BIRC6: variants seen among roughly 807,000 people sequenced by gnomAD.
The protein encoded by BIRC6 is baculoviral IAP repeat containing 6.
In BIRC6, 98 loss-of-function variants were observed where a neutral mutation model predicts 503.3. That is an observed-to-expected ratio of 0.19 (90% CI 0.17 to 0.23). The LOEUF is 0.23. Ranked by LOEUF, BIRC6 falls within the 10% of genes least tolerant of loss-of-function variation. The pLI is 1.00. For synonymous variants in BIRC6, 2,240 were observed against 2,078.7 expected (o/e 1.08, Z -2.11); for missense variants, 5,360 against 5,806.0 (o/e 0.92, Z 2.50).
chr2:32,493,601 C>G lies in BIRC6; in HGVS notation c.8402C>G (p.Ser2801Cys). 1.9e-6 allele frequency: 3 copies of G among 1,608,972 alleles called. No individual in the cohort carries two copies. In the South Asian group the frequency reaches 3.3e-5, roughly 18 times the overall value. The change falls in exon 45 of 74, where the codon TCT becomes TGT. Residue 2801 changes from serine (S) to cysteine (C), a missense_variant. Transcript: ENST00000421745. ...EFLTRLQVHL[S>C]STCPQIFSEF... ...CTTACTCGATTACAAGTGCATCTTT[C>G]TTCAACATGTCCTCAGATATTCAGT...
rs972293279 is a variant in BIRC6 at position 32,357,932 on chromosome 2, G to A, written c.325+446G>A. On this transcript the variant is annotated intron_variant, in intron 1 of 73. Coordinates refer to ENST00000421745, the MANE Select transcript of BIRC6 (RefSeq NM_016252.4). This position sits in a 1 kb window ranked among gnomAD's most constrained non-coding sequence, Gnocchi z 4.9. ...CGAGGGGCGGGGAGCGTCTGAGCCG[G>A]CAACCAAGCCCTCCCTTGTGGGAGA... is the stretch of plus-strand genomic sequence containing the variant. Among the ~76,000 whole-genome samples the A allele has an allele frequency of 5.3e-4, 80 of 151,982 alleles. No individual in the cohort carries two copies. The highest frequency in any genetic ancestry group is 1.8e-3 in the African/African-American group (76 of 41,386).
At position 32,463,507 on chromosome 2, in the gene BIRC6, A is replaced by G. The variant is rs1355238819; in HGVS notation, c.4941+126A>G. 3.4e-6 allele frequency: 3 copies of G among 895,108 alleles called. No homozygotes were observed. In the Admixed American group the frequency reaches 1.1e-4, roughly 32 times the overall value. 55.4% of individuals were successfully genotyped at this position (895,108 alleles called of 1,614,324 possible). A position where few individuals can be genotyped will look rare whatever the true frequency, so the allele number is the denominator to read the frequency against. On this transcript the variant is annotated intron_variant, in intron 24 of 73. Coordinates refer to ENST00000421745, the MANE Select transcript of BIRC6 (RefSeq NM_016252.4). ...GACTGATCTGAGCTAATCAGTTTCA[A>G]CAAAAATTGAGGTAAAGTCTTTGTG...
chr2:32,482,940 T>C (rs2050573993), intron 39 of BIRC6, among the ~76,000 whole-genome samples: 1 of 151,162 alleles, frequency 6.6e-6, no homozygotes, highest in Non-Finnish European at 1.5e-5. Flanking sequence ...TTTTTTGAGA[T>C]GGAGTCTTGT....
At chr2:32,536,562 A>C (rs1478411062) in intron 61 of BIRC6, among the ~76,000 whole-genome samples, 1 of 152,186 alleles carries the variant, frequency 6.6e-6, no homozygotes, top group Non-Finnish European at 1.5e-5. Flanking sequence ...TTAAATAGGG[A>C]ATCCTTTCCC....
intron 65 of BIRC6, among the ~76,000 whole-genome samples, chr2:32,569,432 T>C (rs1324759269): frequency 6.6e-6 from 1 of 152,184 alleles, no homozygotes; most frequent in Non-Finnish European, 1.5e-5. Flanking sequence ...ACAGTAGTGC[T>C]ATCAGAGCTC....
chr2:32,368,974 A>T (rs904079421), intron 1 of BIRC6, among the ~76,000 whole-genome samples: 4 of 152,190 alleles, frequency 2.6e-5, no homozygotes, highest in Non-Finnish European at 5.9e-5. Flanking sequence ...CTCTTGATAT[A>T]CTATAGTAAT....
chr2:32,540,609 C>T, intron 61 of BIRC6, among the ~76,000 whole-genome samples: 1 of 151,954 alleles, frequency 6.6e-6, no homozygotes, highest in South Asian at 2.1e-4. Context: ...AAATTAAATC[C>T]ACTTAATATT....
At chr2:32,392,863 A>C (rs1347994585) in intron 5 of BIRC6, among the ~76,000 whole-genome samples, 1 of 151,616 alleles carries the variant, frequency 6.6e-6, no homozygotes, top group Non-Finnish European at 1.5e-5. Context: ...ACTGGTCTCG[A>C]ACTCCTGCTC....
intron 1 of BIRC6, among the ~76,000 whole-genome samples, chr2:32,362,340 G>C (rs113312968): frequency 2.8e-5 from 4 of 144,766 alleles, no homozygotes; most frequent in African/African-American, 1.0e-4. Flanking sequence ...TTTTGAGACA[G>C]AGTCTCGCTC....
At chr2:32,479,401 CTGTAA>C (rs2050130297) in intron 36 of BIRC6, 56 bp from the exon 37 acceptor site, 1 of 1,447,496 alleles carries the variant, frequency 6.9e-7, no homozygotes, top group African/African-American at 1.4e-5. Flanking sequence ...AAAAAATGTG[CTGTAA>C]TACATTTTCG....
intron 4 of BIRC6, among the ~76,000 whole-genome samples, chr2:32,390,295 C>T (rs895642724): frequency 2.6e-5 from 4 of 152,144 alleles, no homozygotes; most frequent in African/African-American, 7.2e-5. Flanking sequence ...CTCAGCCTCC[C>T]GAGTAGCTGT....
chr2:32,414,987 T>A lies in BIRC6; in HGVS notation c.1696T>A (p.Cys566Ser), dbSNP rs770358856. ...GGAGCAACACAACATTCCTTTTCCATGTTTATTAGCTGGAGGTTTATTAAC... is the reference window on the plus strand; with the variant it reads ...GGAGCAACACAACATTCCTTTTCCAAGTTTATTAGCTGGAGGTTTATTAAC... ...HQEQHNIPFP[C>S]LLAGGLLTYK... Residue 566 changes from cysteine (C) to serine (S), a missense_variant, in exon 10 of 74, where the codon TGT becomes AGT. Transcript: ENST00000421745. The A allele has an allele frequency of 1.2e-6, 2 of 1,613,956 alleles. No homozygotes were observed. Among genetic ancestry groups the A allele is most frequent in the East Asian group, 4.5e-5 (2 of 44,876 alleles).
chr2:32,361,230 C>T (rs899097326), intron 1 of BIRC6, among the ~76,000 whole-genome samples: 2 of 152,152 alleles, frequency 1.3e-5, no homozygotes, highest in African/African-American at 4.8e-5. Context: ...CCACCGCGCC[C>T]AGCCCTAATA....
In BIRC6 at chr2:32,617,865, C is replaced by T. The variant is rs747795292; in HGVS notation, c.14535C>T (p.Pro4845=). 1 of 1,613,624 alleles carries T rather than the reference C, an allele frequency of 6.2e-7. No homozygotes were observed. Among genetic ancestry groups the T allele is most frequent in the Non-Finnish European group, 8.5e-7 (1 of 1,179,628 alleles). The change falls in exon 74 of 74, where the codon CCC becomes CCT. Residue 4845 remains proline (P), a synonymous_variant. Transcript: ENST00000421745. ...CTCTAATGCATGATCAGGTTAAACC[C>T]AGCAGCAGCAAAGAACTCCCCAGTG... ...EETLMHDQVK[P]SSSKELPSDF... is the part of the protein sequence containing the mutation.
chr2:32,545,541 C>A, intron 62 of BIRC6, 102 bp from the exon 63 acceptor site: 2 of 956,148 alleles, frequency 2.1e-6, no homozygotes, highest in South Asian at 2.8e-5. Flanking sequence ...TAGTGGTATA[C>A]TTTTGTATTA....
intron 14 of BIRC6, 70 bp downstream of exon 14, chr2:32,435,655 C>G: frequency 7.0e-7 from 1 of 1,433,018 alleles, no homozygotes; most frequent in Non-Finnish European, 9.2e-7. Flanking sequence ...ACATGTCGGG[C>G]AAGATTTCCT....
chr2:32,404,209 C>T (rs1006382321), intron 8 of BIRC6, among the ~76,000 whole-genome samples: 22 of 588 alleles, frequency 0.037, no homozygotes, highest in African/African-American at 0.096. Flanking sequence ...GGATTACAGG[C>T]GTGAGCACCA....
In BIRC6 at chr2:32,433,720, G is replaced by A. The variant is rs576975385; in HGVS notation, c.3325G>A (p.Val1109Ile). 6 of 1,604,966 alleles carry A rather than the reference G, an allele frequency of 3.7e-6. No homozygotes were observed. Among genetic ancestry groups the A allele is most frequent in the African/African-American group, 2.7e-5 (2 of 74,828 alleles). Residue 1109 changes from valine (V) to isoleucine (I), a missense_variant, in exon 13 of 74, where the codon GTT becomes ATT. This residue lies in a region of BIRC6 where 2,299 missense variants were observed against 2,267.2 expected (regional missense o/e 1.01). Coordinates refer to ENST00000421745, the MANE Select transcript of BIRC6 (RefSeq NM_016252.4). ...CMVGHVDFKF[V>I]LNSNITNIPQ... Reference sequence around the variant, plus strand: ...GGTTGGACATGTGGACTTCAAATTCGTTTTGAACTCAAACATCACCAATAT... The same window carrying A: ...GGTTGGACATGTGGACTTCAAATTCATTTTGAACTCAAACATCACCAATAT...
Position 32,378,864 on chromosome 2 carries a change from A to G in BIRC6, c.507+1095A>G, listed in dbSNP as rs1203382393. On this transcript the variant is annotated intron_variant, in intron 2 of 73. Transcript: ENST00000421745. Reference sequence around the variant, plus strand: ...GTTAAATTTTCTTTACTTAATTTTTAAGTCTAGCCCAACTTAAATTCTTTT... The same window carrying G: ...GTTAAATTTTCTTTACTTAATTTTTGAGTCTAGCCCAACTTAAATTCTTTT... 3 of 152,196 alleles carry G rather than the reference A, an allele frequency of 2.0e-5. No homozygotes were observed. The South Asian group carries it at 6.2e-4, about 31-fold the overall frequency. The allele number at this position is 152,196 out of a possible 1,614,324, so 9.4% of individuals were successfully genotyped here.
Sources: allele counts gnomAD v4.1 joint callset (sites outside exome capture counted in the v4.1 genomes callset), GRCh38; gene constraint gnomAD v4.1.1; regional missense constraint gnomAD v4.1.1; non-coding constraint Gnocchi (gnomAD v3.1); transcripts MANE v1.5; gene names NCBI Gene and HGNC (gene_info 2026-07-23, HGNC 2026-07-21).